ASTN2: variants seen among roughly 807,000 people sequenced by gnomAD.
ASTN2 encodes the protein astrotactin-2.
Under a neutral mutation model 139.8 loss-of-function variants are expected in ASTN2, and 54 were observed. The observed-to-expected ratio is 0.39, with a 90% CI of 0.31 to 0.48. ASTN2 has a LOEUF of 0.48. Among genes scored for constraint, ASTN2 ranks in the 20% least tolerant of loss-of-function variants. ASTN2 has a pLI of 0.95. For synonymous variants in ASTN2, 756 were observed against 719.5 expected, an observed-to-expected ratio of 1.05 and a Z score of -0.81; for missense variants, 1,565 against 1,725.1, an observed-to-expected ratio of 0.91 and a Z score of 1.64.
At chr9:117,317,362 G>A (rs1828176138) in intron 1 of ASTN2, among the ~76,000 whole-genome samples, 1 of 152,162 alleles carries the variant, frequency 6.6e-6, no homozygotes, top group African/African-American at 2.4e-5. Context: ...GGACTAAAAT[G>A]GAACTTAGGG....
chr9:117,002,039 A>G (rs538197436), intron 7 of ASTN2, among the ~76,000 whole-genome samples: 2 of 152,324 alleles, frequency 1.3e-5, no homozygotes, highest in Admixed American at 6.5e-5. Context: ...CCATGAAAAT[A>G]TATTTAGGGA....
At chr9:117,357,420 C>T (rs758567271) in intron 1 of ASTN2, among the ~76,000 whole-genome samples, 1 of 151,978 alleles carries the variant, frequency 6.6e-6, no homozygotes, top group Non-Finnish European at 1.5e-5. Context: ...GAGTGTGGAG[C>T]ACAAATGAAC....
chr9:116,785,049 A>T (rs1830331981), intron 13 of ASTN2, among the ~76,000 whole-genome samples: 1 of 152,148 alleles, frequency 6.6e-6, no homozygotes, highest in African/African-American at 2.4e-5. Flanking sequence ...TGACAATGAG[A>T]AAATTATTCA....
chr9:116,562,214 C>T (rs1247110104), intron 19 of ASTN2: 1 of 152,208 alleles, frequency 6.6e-6, no homozygotes, highest in Non-Finnish European at 1.5e-5. Flanking sequence ...CTTAATTCCC[C>T]TCTCTTTGAA....
intron 13 of ASTN2, among the ~76,000 whole-genome samples, chr9:116,798,617 T>C (rs1321332163): frequency 6.6e-6 from 1 of 152,214 alleles, no homozygotes; most frequent in African/African-American, 2.4e-5. Context: ...GCATGTCTTA[T>C]CGTAAGATGC....
intron 11 of ASTN2, among the ~76,000 whole-genome samples, chr9:116,858,026 A>T (rs1564308584): frequency 6.6e-6 from 1 of 152,076 alleles, no homozygotes; most frequent in Non-Finnish European, 1.5e-5. Context: ...CCAAGAAAAA[A>T]TCCTCTATCC....
chr9:116,628,909 G>A (rs1856593226), intron 17 of ASTN2, among the ~76,000 whole-genome samples: 2 of 152,156 alleles, frequency 1.3e-5, no homozygotes, highest in South Asian at 4.1e-4. Context: ...CTTCCTGCCA[G>A]CTGGCATCCT....
At chr9:117,358,121 G>A (rs544589829) in intron 1 of ASTN2, among the ~76,000 whole-genome samples, 152 of 152,190 alleles carry the variant, frequency 1.0e-3, no homozygotes, top group African/African-American at 3.1e-3. Context: ...CATACTTAGC[G>A]TTTAAGAAGC....
At chr9:116,557,155 T>C (rs1312969740) in intron 19 of ASTN2, among the ~76,000 whole-genome samples, 1 of 126,548 alleles carries the variant, frequency 7.9e-6, no homozygotes, top group African/African-American at 3.1e-5. Flanking sequence ...ACCTGGGAGG[T>C]GGAACTTGCA....
Position 116,640,213 on chromosome 9 carries a change from A to C in ASTN2, c.3072+11315T>G, listed in dbSNP as rs191638866. ...GCAAAAGAAAGGAATTGAGAAATAG[A>C]CTAGGGTTGGGTTGGATGCTTCTAT... is the stretch of plus-strand genomic sequence containing the variant. On this transcript the variant is annotated intron_variant, in intron 17 of 22. Transcript: ENST00000313400. Among the ~76,000 whole-genome samples the C allele has an allele frequency of 5.3e-3, 806 of 152,218 alleles. 2 individuals are homozygous for C. Among genetic ancestry groups the C allele is most frequent in the Non-Finnish European group, 9.5e-3 (646 of 68,000 alleles).
At chr9:116,591,335 C>T (rs1165558191) in intron 19 of ASTN2, among the ~76,000 whole-genome samples, 1 of 152,192 alleles carries the variant, frequency 6.6e-6, no homozygotes, top group Non-Finnish European at 1.5e-5. Flanking sequence ...GAACCTGAAG[C>T]CACCTGCCCT....
At chr9:116,968,766 T>G (rs10817969) in intron 10 of ASTN2, among the ~76,000 whole-genome samples, 42,707 of 151,658 alleles carry the variant, frequency 0.28, 6,282 homozygotes, top group Admixed American at 0.37. Flanking sequence ...AGGTGTGGTG[T>G]TGTGTGCCTG....
Position 116,698,064 on chromosome 9 carries a change from C to T in ASTN2, c.2806+27707G>A. ...GTGTCGGTCCTGTGGGCGGCGTCTGCCCCGGCAATTCTGCCGGAGCTGTGG... is the reference window on the plus strand; with the variant it reads ...GTGTCGGTCCTGTGGGCGGCGTCTGTCCCGGCAATTCTGCCGGAGCTGTGG... On this transcript the variant is annotated intron_variant, in intron 16 of 22. Coordinates refer to ENST00000313400, the MANE Select transcript of ASTN2 (RefSeq NM_001365068.1). This position sits in a 1 kb window ranked among gnomAD's most constrained non-coding sequence, Gnocchi z 4.4. 6.2e-7 allele frequency: 1 copy of T among 1,614,058 alleles called. No individual in the cohort carries two copies. The highest frequency in any genetic ancestry group is 2.2e-5 in the East Asian group (1 of 44,860).
chr9:116,719,436 A>G (rs968819551), intron 16 of ASTN2, among the ~76,000 whole-genome samples: 12 of 152,070 alleles, frequency 7.9e-5, no homozygotes, highest in African/African-American at 2.9e-4. Flanking sequence ...GGGATCAAGC[A>G]ATTTGAAGTC....
chr9:116,667,443 ACT>A (rs1858935040), intron 16 of ASTN2, among the ~76,000 whole-genome samples: 1 of 152,160 alleles, frequency 6.6e-6, no homozygotes, highest in African/African-American at 2.4e-5. Flanking sequence ...GCTTTGAAAG[ACT>A]CTAGCAACAA....
At chr9:116,915,508 C>G (rs116934482) in intron 10 of ASTN2, among the ~76,000 whole-genome samples, 2,197 of 152,178 alleles carry the variant, frequency 0.014, 12 homozygotes, top group Non-Finnish European at 0.022. Context: ...GAGCTGGTCA[C>G]CAGAAAGGGC....
At chr9:116,988,078 T>G (rs761102299) in intron 7 of ASTN2, among the ~76,000 whole-genome samples, 1 of 152,224 alleles carries the variant, frequency 6.6e-6, no homozygotes. Flanking sequence ...TGACTGTGGG[T>G]AACGGATACT....
intron 20 of ASTN2, among the ~76,000 whole-genome samples, chr9:116,469,080 C>T (rs1289159175): frequency 6.6e-6 from 1 of 152,132 alleles, no homozygotes; most frequent in African/African-American, 2.4e-5. Context: ...ATCGTGAGTT[C>T]CATGGAAGCA....
chr9:116,539,869 A>G (rs1851806236), intron 19 of ASTN2, among the ~76,000 whole-genome samples: 1 of 152,242 alleles, frequency 6.6e-6, no homozygotes, highest in Non-Finnish European at 1.5e-5. Flanking sequence ...AGACAAAACC[A>G]TGGATAAGTG....
Sources: gnomAD v4.1 joint callset for allele counts (sites outside exome capture counted in the v4.1 genomes callset) on GRCh38, gnomAD v4.1.1 for gene constraint, Gnocchi (gnomAD v3.1) non-coding constraint, MANE v1.5 for transcripts, NCBI Gene and HGNC (gene_info 2026-07-23, HGNC 2026-07-21) for gene names.